The following CENPO variants were observed in gnomAD, a reference collection of about 807,000 sequenced individuals.
CENPO encodes centromeric protein O.
In CENPO, 30 loss-of-function variants were observed where a neutral mutation model predicts 36.1. The observed-to-expected ratio is 0.83, with a 90% confidence interval of 0.62 to 1.13. The LOEUF is 1.13. Ranked by LOEUF, CENPO falls within the 50% of genes most tolerant of loss-of-function variation. CENPO has a pLI of 0.00. For missense variants in CENPO, 349 were observed against 357.8 expected, an observed-to-expected ratio of 0.98 and a Z score of 0.20; for synonymous variants, 171 against 142.3, an observed-to-expected ratio of 1.20 and a Z score of -1.44.
At position 24,820,152 on chromosome 2, in the gene CENPO, G is replaced by C. The variant is rs1401375753; in HGVS notation, c.*834G>C. The C allele has an allele frequency of 1.3e-6, 2 of 1,504,560 alleles. No homozygotes were observed. The highest frequency in any genetic ancestry group is 4.3e-5 in the Admixed American group (2 of 46,626). The allele number at this position is 1,504,560 out of a possible 1,614,324, so 93.2% of individuals were successfully genotyped here. On this transcript the variant is annotated 3_prime_UTR_variant, in exon 8 of 8. Coordinates refer to ENST00000380834, the MANE Select transcript of CENPO (RefSeq NM_001322101.2). ...GGGGAGCAAGAACGTGGCGTTACGGGGGGAGCCTAGACTGAGGGCGGGTGG... is the reference window on the plus strand; with the variant it reads ...GGGGAGCAAGAACGTGGCGTTACGGCGGGAGCCTAGACTGAGGGCGGGTGG...
At position 24,820,235 on chromosome 2, in the gene CENPO, C is replaced by G; in HGVS notation, c.*917C>G. ...CATGGGTCCCAAGCAGTACGGGACA[C>G]TCCCCAAACCTCCCAGGGCCAAGCC... is the stretch of plus-strand genomic sequence containing the variant. On this transcript the variant is annotated 3_prime_UTR_variant, in exon 8 of 8. Transcript: ENST00000380834. 1 of 1,175,330 alleles carries G rather than the reference C, an allele frequency of 8.5e-7. No individual in the cohort carries two copies. Among genetic ancestry groups the G allele is most frequent in the South Asian group, 1.9e-5 (1 of 53,138 alleles). The allele number at this position is 1,175,330 out of a possible 1,614,324, so 72.8% of individuals were successfully genotyped here.
At chr2:24,812,840 C>A (rs77872657) in intron 3 of CENPO, among the ~76,000 whole-genome samples, 2 of 147,268 alleles carry the variant, frequency 1.4e-5, no homozygotes, top group Admixed American at 6.8e-5. Flanking sequence ...GGCATCTGTT[C>A]TGTTGTCTTC....
chr2:24,799,705 C>T lies in CENPO; in HGVS notation c.77C>T (p.Thr26Ile), dbSNP rs1440189990. ...TTAGCTCACTTGGAAAGGCTAGAGA[C>T]CCAAGTGAGCAGATCCCGTAAACAG... ...GVLAHLERLE[T>I]QVSRSRKQSE... Residue 26 changes from threonine to isoleucine, a missense_variant, in exon 3 of 8, where the codon ACC (threonine) becomes ATC (isoleucine). Thr to Ile is a moderately conservative substitution (Grantham distance 89). Transcript: ENST00000380834. 2 of 1,613,860 alleles carry T rather than the reference C, an allele frequency of 1.2e-6. No homozygotes were observed. The highest frequency in any genetic ancestry group is 1.7e-5 in the Admixed American group (1 of 60,004).
chr2:24,798,775 T>C (rs1329159832), intron 2 of CENPO, among the ~76,000 whole-genome samples: 4 of 152,014 alleles, frequency 2.6e-5, no homozygotes, highest in Non-Finnish European at 5.9e-5. Flanking sequence ...TCACATACTT[T>C]TTTTTAATGG....
intron 3 of CENPO, among the ~76,000 whole-genome samples, chr2:24,804,040 T>C (rs4419197): frequency 0.036 from 5,543 of 152,316 alleles, 295 homozygotes; most frequent in African/African-American, 0.12. Context: ...ATATTTAGGA[T>C]AGTTAGCTCT....
At chr2:24,797,110 A>G (rs1377302697) in intron 2 of CENPO, among the ~76,000 whole-genome samples, 2 of 152,226 alleles carry the variant, frequency 1.3e-5, no homozygotes, top group Non-Finnish European at 2.9e-5. Flanking sequence ...CAGAAATGGT[A>G]GTAGCTTGAA....
At chr2:24,805,184 T>C (rs1419948707) in intron 3 of CENPO, among the ~76,000 whole-genome samples, 1 of 152,240 alleles carries the variant, frequency 6.6e-6, no homozygotes, top group Non-Finnish European at 1.5e-5. Flanking sequence ...CATCAGGTCC[T>C]TTAAGGACTT....
At position 24,821,825 on chromosome 2, in the gene CENPO, T is replaced by A; in HGVS notation, c.*2507T>A. 2 of 811,928 alleles carry A rather than the reference T, an allele frequency of 2.5e-6. No homozygotes were observed. The highest frequency in any genetic ancestry group is 3.7e-6 in the Non-Finnish European group (2 of 534,910). The allele number at this position is 811,928 out of a possible 1,614,324, so 50.3% of individuals were successfully genotyped here. On this transcript the variant is annotated 3_prime_UTR_variant, in exon 8 of 8. Transcript: ENST00000380834. ...ACTTGCCACTGTGACAAAGTTCACGTAGCAGGTCTAGGCAAAGACTGGGCA... is the reference window on the plus strand; with the variant it reads ...ACTTGCCACTGTGACAAAGTTCACGAAGCAGGTCTAGGCAAAGACTGGGCA...
intron 1 of CENPO, 141 bp from the exon 2 acceptor site, chr2:24,793,711 G>A (rs1453840085): frequency 1.0e-6 from 1 of 961,260 alleles, no homozygotes; most frequent in Non-Finnish European, 1.6e-6. Flanking sequence ...GGAGAGGGCG[G>A]GCGGCTCAGG....
At chr2:24,816,896 G>A in intron 6 of CENPO, 79 bp downstream of exon 6, 2 of 1,341,212 alleles carry the variant, frequency 1.5e-6, no homozygotes, top group Non-Finnish European at 2.0e-6. Context: ...TAGAATCCAT[G>A]AAGTAGACCT....
rs147123606 is a variant in CENPO at position 24,822,173 on chromosome 2, C to G, written c.*2855C>G. ...TTAGCTTAACAAAAGAACAGGCTGC[C>G]GTCAGCCAGAGTTCTGAAGGCCATG... On this transcript the variant is annotated 3_prime_UTR_variant, in exon 8 of 8. Coordinates refer to ENST00000380834, the MANE Select transcript of CENPO (RefSeq NM_001322101.2). 1.8e-5 allele frequency: 4 copies of G among 217,488 alleles called. No individual in the cohort carries two copies. The highest frequency in any genetic ancestry group is 3.7e-5 in the Non-Finnish European group (4 of 109,222). 13.5% of individuals were successfully genotyped at this position (217,488 alleles called of 1,614,324 possible). A position where few individuals can be genotyped will look rare whatever the true frequency, so the allele number is the denominator to read the frequency against.
At position 24,821,672 on chromosome 2, in the gene CENPO, G is replaced by C. The variant is rs780940564; in HGVS notation, c.*2354G>C. On this transcript the variant is annotated 3_prime_UTR_variant, in exon 8 of 8. Transcript: ENST00000380834. ...CAGGGGACCGTGGAGAAAGTGTCAGGGGCCGCTCACTGCAGCAGCCTGCTC... is the reference window on the plus strand; with the variant it reads ...CAGGGGACCGTGGAGAAAGTGTCAGCGGCCGCTCACTGCAGCAGCCTGCTC... 1 of 1,610,964 alleles carries C rather than the reference G, an allele frequency of 6.2e-7. No individual in the cohort carries two copies. The highest frequency in any genetic ancestry group is 8.5e-7 in the Non-Finnish European group (1 of 1,178,388).
chr2:24,816,858 T>A (rs1390981467), intron 6 of CENPO, 41 bp downstream of exon 6: 2 of 1,532,944 alleles, frequency 1.3e-6, no homozygotes, highest in Non-Finnish European at 1.8e-6. Flanking sequence ...CATATCCCAG[T>A]TTATTTGAGT....
intron 5 of CENPO, chr2:24,816,241 C>T: frequency 5.3e-6 from 1 of 190,404 alleles, no homozygotes; most frequent in Non-Finnish European, 1.1e-5. Flanking sequence ...GAAATTAATG[C>T]AAATAGGCTG....
At chr2:24,810,983 G>C (rs936922265) in intron 3 of CENPO, among the ~76,000 whole-genome samples, 1 of 150,466 alleles carries the variant, frequency 6.6e-6, no homozygotes, top group African/African-American at 2.5e-5. Flanking sequence ...TCACTCTGTC[G>C]CCCAGGCTGG....
chr2:24,809,582 C>T (rs550161553), intron 3 of CENPO, among the ~76,000 whole-genome samples: 1 of 151,054 alleles, frequency 6.6e-6, no homozygotes, highest in African/African-American at 2.4e-5. Flanking sequence ...TCCTTTTATA[C>T]CCCACAAGTT....
In CENPO at chr2:24,821,313, T is replaced by C; in HGVS notation, c.*1995T>C. ...TAACAGTAGGCACAGTATAGTCGGA[T>C]CATCACATCAGCTGGGTTTTTGGTT... is the stretch of plus-strand genomic sequence containing the variant. On this transcript the variant is annotated 3_prime_UTR_variant, in exon 8 of 8. Coordinates refer to ENST00000380834, the MANE Select transcript of CENPO (RefSeq NM_001322101.2). 1 of 657,674 alleles carries C rather than the reference T, an allele frequency of 1.5e-6. No individual in the cohort carries two copies. Among genetic ancestry groups the C allele is most frequent in the Non-Finnish European group, 2.5e-6 (1 of 396,178 alleles). The allele number at this position is 657,674 out of a possible 1,614,324, so 40.7% of individuals were successfully genotyped here. A position where few individuals can be genotyped will look rare whatever the true frequency, so the allele number is the denominator to read the frequency against.
At chr2:24,804,971 C>T (rs1009421908) in intron 3 of CENPO, among the ~76,000 whole-genome samples, 4 of 152,170 alleles carry the variant, frequency 2.6e-5, no homozygotes, top group Non-Finnish European at 5.9e-5. Flanking sequence ...ACCTATCAGA[C>T]GTAGATTTGG....
chr2:24,816,173 C>T (rs1263210487), intron 5 of CENPO: 5 of 191,228 alleles, frequency 2.6e-5, no homozygotes, highest in African/African-American at 1.2e-4. Flanking sequence ...TTCCCCTAAA[C>T]TCTAGCCTAC....
Sources: allele counts gnomAD v4.1 joint callset (sites outside exome capture counted in the v4.1 genomes callset), GRCh38; gene constraint gnomAD v4.1.1; transcripts MANE v1.5; gene names NCBI Gene and HGNC (gene_info 2026-07-23, HGNC 2026-07-21).